Variants in RIMS1 observed in about 807,000 individuals in gnomAD.
The protein encoded by RIMS1 is regulating synaptic membrane exocytosis 1.
A neutral mutation model predicts 214.1 loss-of-function variants in RIMS1; 83 were observed. That is an observed-to-expected ratio of 0.39 (90% CI 0.32 to 0.47). The LOEUF (loss-of-function observed/expected upper bound fraction) is 0.47. Among genes scored for constraint, RIMS1 ranks in the 20% least tolerant of loss-of-function variants. The pLI is 0.99. For missense variants in RIMS1, 2,050 were observed against 2,161.8 expected, an observed-to-expected ratio of 0.95 and a Z score of 1.03; for synonymous variants, 793 against 786.8, an observed-to-expected ratio of 1.01 and a Z score of -0.13.
intron 2 of RIMS1, among the ~76,000 whole-genome samples, chr6:72,059,453 T>A (rs1235775702): frequency 2.6e-5 from 4 of 152,130 alleles, no homozygotes; most frequent in African/African-American, 7.2e-5. Flanking sequence ...GGTCTTGAAC[T>A]CCTGGGCTCA....
intron 29 of RIMS1, among the ~76,000 whole-genome samples, chr6:72,345,482 T>C (rs1028279010): frequency 6.6e-6 from 1 of 151,818 alleles, no homozygotes; most frequent in African/African-American, 2.4e-5. Context: ...TTATTTGCAT[T>C]TTACAGGTTC....
At chr6:72,347,655 T>TC (rs1296391738) in intron 29 of RIMS1, among the ~76,000 whole-genome samples, 1 of 151,858 alleles carries the variant, frequency 6.6e-6, no homozygotes, top group East Asian at 1.9e-4. Context: ...TTCATTTCTT[T>TC]CTATGCATCA....
At chr6:72,114,783 C>T (rs995570547) in intron 4 of RIMS1, among the ~76,000 whole-genome samples, 3 of 151,672 alleles carry the variant, frequency 2.0e-5, no homozygotes, top group African/African-American at 7.3e-5. Context: ...GGATATGTTT[C>T]CTAAAATAAA....
intron 23 of RIMS1, among the ~76,000 whole-genome samples, chr6:72,281,626 A>G (rs2090138741): frequency 6.6e-6 from 1 of 152,048 alleles, no homozygotes; most frequent in Non-Finnish European, 1.5e-5. Flanking sequence ...TTTCATCTGA[A>G]TCATCTCTCT....
chr6:72,390,530 G>A (rs971687074), intron 29 of RIMS1, 68 bp from the exon 30 acceptor site: 3 of 1,427,564 alleles, frequency 2.1e-6, no homozygotes, highest in African/African-American at 2.9e-5. Context: ...GTATTTGCAG[G>A]ATCAATTGAT....
rs558277269 is a variant in RIMS1, at chr6:72,263,883, C to T, written c.3117-1092C>T. The T allele has an allele frequency of 9.5e-4, 346 of 365,426 alleles. 4 individuals carry two copies. Among genetic ancestry groups the T allele is most frequent in the African/African-American group, 7.0e-3 (315 of 45,196 alleles). 22.6% of individuals were successfully genotyped at this position (365,426 alleles called of 1,614,324 possible). ...TGGCAGGTGCTTGTAATCCCAGCTACTTGGGAGGCTGAGAGAGGAGATTTG... is the reference window on the plus strand; with the variant it reads ...TGGCAGGTGCTTGTAATCCCAGCTATTTGGGAGGCTGAGAGAGGAGATTTG... On this transcript the variant is annotated intron_variant, in intron 19 of 33. Coordinates refer to ENST00000521978, the MANE Select transcript of RIMS1 (RefSeq NM_014989.7).
chr6:72,187,900 C>T (rs1257175553), intron 6 of RIMS1, among the ~76,000 whole-genome samples: 1 of 152,066 alleles, frequency 6.6e-6, no homozygotes, highest in Non-Finnish European at 1.5e-5. Flanking sequence ...TATTGACTCA[C>T]AGGGTCACAA....
intron 1 of RIMS1, among the ~76,000 whole-genome samples, chr6:71,937,045 C>T (rs1037035407): frequency 6.6e-6 from 1 of 152,230 alleles, no homozygotes; most frequent in Non-Finnish European, 1.5e-5. Context: ...AGCTGATGGT[C>T]GGTGCTTTCC....
rs1316895876 is a variant in RIMS1 at position 72,157,552 on chromosome 6, A to C, written c.472-22023A>C. Among the ~76,000 whole-genome samples, 5 of 140,542 alleles carry C rather than the reference A, an allele frequency of 3.6e-5. 1 individual carries two copies. The highest frequency in any genetic ancestry group is 8.1e-5 in the Non-Finnish European group (5 of 61,810). 92.2% of individuals were successfully genotyped at this position (140,542 alleles called of 152,430 possible). A position where few individuals can be genotyped will look rare whatever the true frequency, so the allele number is the denominator to read the frequency against. ...TTTCATCTCTAGTAAGGTTTACTGC[A>C]TCAAGTCTACTTTGTGTGATGGCTG... On this transcript the variant is annotated intron_variant, in intron 4 of 33. Coordinates refer to ENST00000521978, the MANE Select transcript of RIMS1 (RefSeq NM_014989.7).
chr6:71,969,974 T>C (rs1489085362), intron 2 of RIMS1, among the ~76,000 whole-genome samples: 3 of 152,192 alleles, frequency 2.0e-5, no homozygotes, highest in Admixed American at 6.5e-5. Flanking sequence ...CTCTACTCCC[T>C]GCTTTACCCT....
At chr6:71,913,820 C>T (rs764647020) in intron 1 of RIMS1, among the ~76,000 whole-genome samples, 2 of 152,030 alleles carry the variant, frequency 1.3e-5, no homozygotes, top group Non-Finnish European at 2.9e-5. Flanking sequence ...CTGAGGACAC[C>T]CCTGGGCAAA....
chr6:71,985,823 A>G (rs1235273850), intron 2 of RIMS1, among the ~76,000 whole-genome samples: 1 of 152,194 alleles, frequency 6.6e-6, no homozygotes, highest in Non-Finnish European at 1.5e-5. Flanking sequence ...TCTGAGACAT[A>G]CATGTATATG....
At chr6:71,923,012 TG>T (rs1737617763) in intron 1 of RIMS1, among the ~76,000 whole-genome samples, 1 of 152,220 alleles carries the variant, frequency 6.6e-6, no homozygotes, top group African/African-American at 2.4e-5. Context: ...AAGATCTGCC[TG>T]TGGGCTAACT....
intron 2 of RIMS1, among the ~76,000 whole-genome samples, chr6:72,078,677 C>CA (rs915510013): frequency 6.6e-5 from 10 of 151,752 alleles, no homozygotes; most frequent in African/African-American, 7.2e-5. Flanking sequence ...AAAACAAACA[C>CA]AAAAAAACAA....
At chr6:72,216,869 G>A in intron 6 of RIMS1, 1 of 1,045,548 alleles carries the variant, frequency 9.6e-7, no homozygotes, top group Non-Finnish European at 1.2e-6. Context: ...GAGCTTTAGT[G>A]TATGCTACAC....
chr6:72,384,619 CTG>C (rs2098553158), intron 29 of RIMS1, among the ~76,000 whole-genome samples: 1 of 152,140 alleles, frequency 6.6e-6, no homozygotes, highest in Non-Finnish European at 1.5e-5. Flanking sequence ...GTACCTCTAA[CTG>C]TGGGAATATT....
chr6:72,302,619 G>T (rs1224647468), intron 26 of RIMS1, among the ~76,000 whole-genome samples: 1 of 151,428 alleles, frequency 6.6e-6, no homozygotes, highest in Non-Finnish European at 1.5e-5. Context: ...AGATGTACTG[G>T]AACAAGAATG....
At chr6:72,222,706 T>A (rs185185462) in intron 6 of RIMS1, among the ~76,000 whole-genome samples, 118 of 152,330 alleles carry the variant, frequency 7.7e-4, no homozygotes, top group African/African-American at 2.8e-3. Context: ...TCATCAGAAT[T>A]ATAATTTACC....
intron 29 of RIMS1, among the ~76,000 whole-genome samples, chr6:72,387,262 T>C (rs1452481824): frequency 6.6e-6 from 1 of 152,218 alleles, no homozygotes; most frequent in East Asian, 1.9e-4. Flanking sequence ...TCCTCCAGTT[T>C]TCAGCAGCAC....
Sources: allele counts gnomAD v4.1 joint callset (sites outside exome capture counted in the v4.1 genomes callset), GRCh38; gene constraint gnomAD v4.1.1; transcripts MANE v1.5; gene names NCBI Gene and HGNC (gene_info 2026-07-23, HGNC 2026-07-21).